The following EXOC2 variants were observed in gnomAD, a reference collection of about 807,000 sequenced individuals.
The protein encoded by EXOC2 is SEC5-like 1.
EXOC2 carries 70 observed loss-of-function variants against 131.8 expected under a neutral mutation model. That is an observed-to-expected ratio of 0.53 (90% CI 0.44 to 0.65). The LOEUF is 0.65. Ranked by LOEUF, EXOC2 falls within the 30% of genes least tolerant of loss-of-function variation. EXOC2 has a pLI of 0.00. For missense variants in EXOC2, 923 were observed against 1,108.6 expected, an observed-to-expected ratio of 0.83 and a Z score of 2.38; for synonymous variants, 411 against 398.4, an observed-to-expected ratio of 1.03 and a Z score of -0.38.
intron 4 of EXOC2, among the ~76,000 whole-genome samples, chr6:623,556 C>T (rs1394831691): frequency 6.6e-6 from 1 of 152,106 alleles, no homozygotes; most frequent in Non-Finnish European, 1.5e-5. Flanking sequence ...CAAATCACAC[C>T]ATTAAGGCCA....
At chr6:619,644 A>C in intron 4 of EXOC2, 101 bp from the exon 5 acceptor site, 1 of 671,010 alleles carries the variant, frequency 1.5e-6, no homozygotes, top group Non-Finnish European at 2.6e-6. Context: ...AATACTAACC[A>C]TTACAACAAT....
At chr6:589,334 A>G (rs1418069020) in intron 11 of EXOC2, among the ~76,000 whole-genome samples, 4 of 151,206 alleles carry the variant, frequency 2.6e-5, no homozygotes, top group Non-Finnish European at 4.4e-5. Flanking sequence ...GAGCACCTGC[A>G]CGGTGTCTGG....
intron 1 of EXOC2, chr6:656,005 A>G (rs927983398): frequency 8.6e-6 from 7 of 810,744 alleles, no homozygotes; most frequent in Non-Finnish European, 1.4e-5. Context: ...TACGCCCTGC[A>G]TAAGTCAGTG....
intron 7 of EXOC2, among the ~76,000 whole-genome samples, chr6:606,113 C>T (rs969115480): frequency 2.7e-4 from 41 of 152,218 alleles, no homozygotes; most frequent in African/African-American, 9.6e-4. Context: ...TCGTGTCCTT[C>T]GTAGGGACAT....
At chr6:615,564 G>A (rs565854356) in intron 6 of EXOC2, among the ~76,000 whole-genome samples, 8 of 151,910 alleles carry the variant, frequency 5.3e-5, no homozygotes, top group East Asian at 1.9e-4. Context: ...CAGGCTGGGC[G>A]TGGAAATTAG....
intron 1 of EXOC2, among the ~76,000 whole-genome samples, chr6:685,478 T>G (rs1171978517): frequency 6.6e-6 from 1 of 152,184 alleles, no homozygotes. Flanking sequence ...CCAGAGATAT[T>G]GGGGAAAGGG....
chr6:525,103 T>TAA, intron 23 of EXOC2: 1 of 152,216 alleles, frequency 6.6e-6, no homozygotes, highest in African/African-American at 2.4e-5. Flanking sequence ...TGTGGAACGG[T>TAA]TAGTCTGATA....
chr6:551,027 T>C (rs1448104488), intron 21 of EXOC2, among the ~76,000 whole-genome samples: 1 of 152,240 alleles, frequency 6.6e-6, no homozygotes, highest in East Asian at 1.9e-4. Context: ...TGCTCAAATG[T>C]AATCATTCAG....
chr6:568,761 T>C (rs1462241903), intron 13 of EXOC2, among the ~76,000 whole-genome samples: 1 of 152,224 alleles, frequency 6.6e-6, no homozygotes, highest in Non-Finnish European at 1.5e-5. Context: ...GAAGATTATT[T>C]CATAGTCATT....
At chr6:570,174 C>T (rs1490162640) in intron 13 of EXOC2, among the ~76,000 whole-genome samples, 1 of 147,258 alleles carries the variant, frequency 6.8e-6, no homozygotes, top group African/African-American at 2.5e-5. Context: ...CGCGCTGTCG[C>T]CCAGGCTGGA....
chr6:659,462 C>A (rs543233730), intron 1 of EXOC2, among the ~76,000 whole-genome samples: 1 of 152,324 alleles, frequency 6.6e-6, no homozygotes, highest in Admixed American at 6.5e-5. Flanking sequence ...ACTGCAAGAA[C>A]AAACCAGCAA....
chr6:508,400 T>TA (rs781610963), intron 23 of EXOC2, among the ~76,000 whole-genome samples: 21 of 152,330 alleles, frequency 1.4e-4, no homozygotes, highest in Middle Eastern at 3.4e-3. Flanking sequence ...TACCAACCGT[T>TA]ACGGTAACAC....
At chr6:630,639 A>C (rs576948365) in intron 3 of EXOC2, among the ~76,000 whole-genome samples, 24 of 152,266 alleles carry the variant, frequency 1.6e-4, no homozygotes, top group African/African-American at 5.1e-4. Context: ...AATATCTTTT[A>C]TTTTCTTTTC....
At chr6:657,794 CTG>C (rs1330956266) in intron 1 of EXOC2, among the ~76,000 whole-genome samples, 1 of 151,132 alleles carries the variant, frequency 6.6e-6, no homozygotes, top group Non-Finnish European at 1.5e-5. Flanking sequence ...TCAACTTGCA[CTG>C]TGTGTGAATT....
intron 11 of EXOC2, among the ~76,000 whole-genome samples, chr6:590,770 T>C (rs991039608): frequency 5.3e-5 from 8 of 152,170 alleles, no homozygotes; most frequent in Non-Finnish European, 1.0e-4. Flanking sequence ...CCCTAAAACA[T>C]CACTTGTCAG....
intron 1 of EXOC2, among the ~76,000 whole-genome samples, chr6:647,571 G>A (rs766627823): frequency 4.5e-5 from 6 of 133,720 alleles, no homozygotes; most frequent in Non-Finnish European, 7.9e-5. Context: ...TCTTCCTTCT[G>A]TACCACCATA....
chr6:632,488 A>G (rs1174519691), intron 3 of EXOC2, among the ~76,000 whole-genome samples: 1 of 152,240 alleles, frequency 6.6e-6, no homozygotes, highest in Non-Finnish European at 1.5e-5. Context: ...GGGCGTTAAA[A>G]GCAGCCAAGC....
At chr6:584,325 C>T (rs1360953867) in intron 11 of EXOC2, among the ~76,000 whole-genome samples, 2 of 152,004 alleles carry the variant, frequency 1.3e-5, no homozygotes, top group African/African-American at 2.4e-5. Flanking sequence ...AAAATATGTA[C>T]GTAAAGGTCC....
intron 17 of EXOC2, among the ~76,000 whole-genome samples, chr6:557,617 CAAA>C (rs59474432): frequency 9.0e-6 from 1 of 111,188 alleles, no homozygotes; most frequent in Non-Finnish European, 1.7e-5. Context: ...GACTTCATCT[CAAA>C]AAAAAAAAAA....
Sources: allele counts gnomAD v4.1 joint callset (sites outside exome capture counted in the v4.1 genomes callset), GRCh38; gene constraint gnomAD v4.1.1; transcripts MANE v1.5; gene names NCBI Gene and HGNC (gene_info 2026-07-23, HGNC 2026-07-21).